ASTN2: variants seen among roughly 807,000 people sequenced by gnomAD.
ASTN2 encodes the protein astrotactin-2.
Under a neutral mutation model 139.8 loss-of-function variants are expected in ASTN2, and 54 were observed. That is an observed-to-expected ratio of 0.39 (90% CI 0.31 to 0.48). ASTN2 has a LOEUF of 0.48. Among genes scored for constraint, ASTN2 ranks in the 20% least tolerant of loss-of-function variants. The probability of loss-of-function intolerance (pLI) is 0.95; values close to 1 mark genes in which losing one functional copy is unlikely to be tolerated. For synonymous variants in ASTN2, 756 were observed against 719.5 expected, an observed-to-expected ratio of 1.05 and a Z score of -0.81; for missense variants, 1,565 against 1,725.1, an observed-to-expected ratio of 0.91 and a Z score of 1.64.
chr9:117,234,799 A>G (rs1832996736), intron 2 of ASTN2, among the ~76,000 whole-genome samples: 1 of 152,198 alleles, frequency 6.6e-6, no homozygotes, highest in Admixed American at 6.5e-5. Context: ...AGCCAGGACT[A>G]GAACCTGGCC....
At chr9:117,300,884 C>T (rs571410297) in intron 1 of ASTN2, among the ~76,000 whole-genome samples, 6 of 152,280 alleles carry the variant, frequency 3.9e-5, no homozygotes, top group South Asian at 4.1e-4. Flanking sequence ...GACTCCTCCT[C>T]CCCAACCCCA....
At chr9:117,079,347 C>A (rs947565829) in intron 5 of ASTN2, among the ~76,000 whole-genome samples, 4 of 152,074 alleles carry the variant, frequency 2.6e-5, no homozygotes, top group Admixed American at 6.6e-5. Context: ...CAGAATGAGA[C>A]CCTGTCGAGA....
chr9:117,281,594 C>T lies in ASTN2; in HGVS notation c.630+9732G>A, dbSNP rs1192936084. Reference sequence around the variant, plus strand: ...TTCATTTTGTGTTGCTGTTAAAATACCACACAAAAGCCCCAGGTTCTTGAA... The same window carrying T: ...TTCATTTTGTGTTGCTGTTAAAATATCACACAAAAGCCCCAGGTTCTTGAA... On this transcript the variant is annotated intron_variant, in intron 2 of 22. Transcript: ENST00000313400. Among the ~76,000 whole-genome samples the T allele has an allele frequency of 2.8e-4, 42 of 152,152 alleles. 1 individual carries two copies. The highest frequency in any genetic ancestry group is 2.7e-3 in the Admixed American group (41 of 15,278).
chr9:117,217,806 A>C (rs1832377118), intron 2 of ASTN2, among the ~76,000 whole-genome samples: 1 of 152,236 alleles, frequency 6.6e-6, no homozygotes, highest in Admixed American at 6.5e-5. Context: ...GAACGAATAA[A>C]GGAATGAATG....
At chr9:117,094,312 A>T (rs2132750930) in intron 5 of ASTN2, among the ~76,000 whole-genome samples, 1 of 151,828 alleles carries the variant, frequency 6.6e-6, no homozygotes, top group South Asian at 2.1e-4. Context: ...GCTGGGTTAA[A>T]TCATTCATCT....
intron 10 of ASTN2, among the ~76,000 whole-genome samples, chr9:116,889,269 A>G (rs1432733841): frequency 6.6e-6 from 1 of 152,278 alleles, no homozygotes; most frequent in South Asian, 2.1e-4. Flanking sequence ...GGGAACTGCC[A>G]TGTCTCACCA....
chr9:117,095,584 T>C (rs1055032662), intron 5 of ASTN2, among the ~76,000 whole-genome samples: 2 of 152,208 alleles, frequency 1.3e-5, no homozygotes, highest in African/African-American at 4.8e-5. Flanking sequence ...ATTAACCCTG[T>C]ACATTTTATT....
At chr9:116,509,268 T>C (rs1850255913) in intron 19 of ASTN2, among the ~76,000 whole-genome samples, 1 of 152,188 alleles carries the variant, frequency 6.6e-6, no homozygotes, top group African/African-American at 2.4e-5. Flanking sequence ...GTTTGGTTTT[T>C]TGTCTTTGTG....
At chr9:117,192,745 CAAAG>C (rs1268840135) in intron 3 of ASTN2, among the ~76,000 whole-genome samples, 1 of 152,088 alleles carries the variant, frequency 6.6e-6, no homozygotes, top group East Asian at 1.9e-4. Context: ...TGTGGCAAAA[CAAAG>C]AGAGTACTGA....
At chr9:117,158,593 C>T (rs1309463471) in intron 3 of ASTN2, among the ~76,000 whole-genome samples, 2 of 151,900 alleles carry the variant, frequency 1.3e-5, no homozygotes, top group Non-Finnish European at 2.9e-5. Flanking sequence ...AATAAATTTC[C>T]ACATTTCCCT....
rs547496386 is a variant in ASTN2, at chr9:117,370,003, C to T, written c.442+44494G>A. ...GGCACGCTAGTTAACAAGCGATGAG[C>T]GGGAAGCTACAGGTTGGCCCTAAGT... On this transcript the variant is annotated intron_variant, in intron 1 of 22. Transcript: ENST00000313400. 1.2e-4 allele frequency among the ~76,000 whole-genome samples: 19 copies of T among 152,126 alleles called. No individual in the cohort carries two copies. In the South Asian group the frequency reaches 3.3e-3, roughly 27 times the overall value.
chr9:117,366,856 C>T (rs1829858085), intron 1 of ASTN2, among the ~76,000 whole-genome samples: 2 of 152,078 alleles, frequency 1.3e-5, no homozygotes, highest in Admixed American at 1.3e-4. Flanking sequence ...CTCACTGCAA[C>T]CTCCGCCTCC....
At chr9:117,081,030 T>C (rs988566485) in intron 5 of ASTN2, among the ~76,000 whole-genome samples, 3 of 152,168 alleles carry the variant, frequency 2.0e-5, no homozygotes, top group African/African-American at 7.2e-5. Flanking sequence ...TAGAGGCCAC[T>C]TTTTCTAAAG....
At chr9:116,484,157 T>C (rs1849260974) in intron 20 of ASTN2, among the ~76,000 whole-genome samples, 1 of 152,206 alleles carries the variant, frequency 6.6e-6, no homozygotes, top group African/African-American at 2.4e-5. Context: ...GAAAAGACAC[T>C]GATAACCAGC....
At chr9:116,751,562 T>C (rs1443255943) in intron 13 of ASTN2, among the ~76,000 whole-genome samples, 1 of 151,774 alleles carries the variant, frequency 6.6e-6, no homozygotes, top group African/African-American at 2.4e-5. Context: ...ATTATTATTA[T>C]TATTAGAAAT....
intron 19 of ASTN2, among the ~76,000 whole-genome samples, chr9:116,507,385 A>G (rs1850157575): frequency 6.6e-6 from 1 of 152,168 alleles, no homozygotes; most frequent in African/African-American, 2.4e-5. Context: ...GACTTGTCTG[A>G]AGACACACAG....
At chr9:116,913,639 C>T (rs945842426) in intron 10 of ASTN2, among the ~76,000 whole-genome samples, 7 of 152,200 alleles carry the variant, frequency 4.6e-5, no homozygotes, top group African/African-American at 1.7e-4. Context: ...CTGTATTGTT[C>T]AAAGAATATA....
At chr9:117,090,557 A>G (rs1358022849) in intron 5 of ASTN2, among the ~76,000 whole-genome samples, 3 of 152,234 alleles carry the variant, frequency 2.0e-5, no homozygotes, top group African/African-American at 7.2e-5. Context: ...ATGGGATTTG[A>G]GCTGATTTAG....
At chr9:117,017,987 A>G (rs1033560284) in intron 6 of ASTN2, among the ~76,000 whole-genome samples, 2 of 147,468 alleles carry the variant, frequency 1.4e-5, no homozygotes, top group African/African-American at 5.0e-5. Context: ...CCTTGCTCTC[A>G]CTTACCCAGG....
Sources: allele counts gnomAD v4.1 joint callset (sites outside exome capture counted in the v4.1 genomes callset), GRCh38; gene constraint gnomAD v4.1.1; transcripts MANE v1.5; gene names NCBI Gene and HGNC (gene_info 2026-07-23, HGNC 2026-07-21).